The following HTT variants were observed in gnomAD, a reference collection of about 807,000 sequenced individuals.
The protein encoded by HTT is huntingtin, also known as huntington disease protein.
In HTT, 104 loss-of-function variants were observed where a neutral mutation model predicts 362.3. The observed-to-expected ratio is 0.29, with a 90% CI of 0.24 to 0.34. HTT has a LOEUF of 0.34. Among genes scored for constraint, HTT ranks in the 10% least tolerant of loss-of-function variants. HTT has a pLI of 1.00. For missense variants in HTT, 3,301 were observed against 3,928.6 expected (o/e 0.84, Z 4.27); for synonymous variants, 1,577 against 1,548.7 (o/e 1.02, Z -0.43).
At position 3,140,522 on chromosome 4, in the gene HTT, G is replaced by A. The variant is rs767086134; in HGVS notation, c.2811G>A (p.Lys937=). The A allele has an allele frequency of 5.6e-6, 9 of 1,614,022 alleles. No individual in the cohort carries two copies. Among genetic ancestry groups the A allele is most frequent in the African/African-American group, 4.0e-5 (3 of 74,934 alleles). ...AAASLIRLVP[K]LFYKCDQGQA... is the part of the protein sequence containing the mutation. ...ACTTTTGTGTTAGGCTTGTCCCAAA[G>A]CTGTTTTATAAATGTGACCAAGGAC... The change falls in exon 22 of 67, where the codon AAG becomes AAA. Residue 937 remains lysine (K), a synonymous_variant. Transcript: ENST00000355072.
In HTT at chr4:3,157,210, C is replaced by T; in HGVS notation, c.3753+11C>T. ...CACGCTAACTACAAGGTATGGGCCTCTGCATCTTTTAAAAATATATATGCA... is the reference window on the plus strand; with the variant it reads ...CACGCTAACTACAAGGTATGGGCCTTTGCATCTTTTAAAAATATATATGCA... On this transcript the variant is annotated intron_variant, in intron 28 of 66. Transcript: ENST00000355072. 1 of 1,605,686 alleles carries T rather than the reference C, an allele frequency of 6.2e-7. No homozygotes were observed. Among genetic ancestry groups the T allele is most frequent in the Non-Finnish European group, 8.5e-7 (1 of 1,177,388 alleles).
intron 26 of HTT, among the ~76,000 whole-genome samples, chr4:3,151,056 A>G (rs1339217963): frequency 7.9e-6 from 1 of 127,032 alleles, no homozygotes; most frequent in Non-Finnish European, 1.7e-5. Flanking sequence ...AAACAAAACA[A>G]AAAAAAAAAA....
intron 10 of HTT, 67 bp from the exon 11 acceptor site, chr4:3,125,482 C>A: frequency 2.2e-6 from 2 of 922,534 alleles, no homozygotes; most frequent in Non-Finnish European, 1.8e-6. Context: ...TTTTAGAGTG[C>A]ATTTACTTAA....
intron 27 of HTT, among the ~76,000 whole-genome samples, chr4:3,156,093 C>T (rs566580992): frequency 6.6e-6 from 1 of 152,226 alleles, no homozygotes; most frequent in East Asian, 1.9e-4. Flanking sequence ...TTCCTCCTGT[C>T]TATAAATGAA....
At chr4:3,105,485 C>T in intron 5 of HTT, 49 bp downstream of exon 5, 3 of 1,207,216 alleles carry the variant, frequency 2.5e-6, no homozygotes, top group Non-Finnish European at 3.7e-6. Context: ...CCAGCTGCTA[C>T]TGATCCTTTA....
At chr4:3,231,588 C>T (rs1721256015) in intron 60 of HTT, among the ~76,000 whole-genome samples, 1 of 152,202 alleles carries the variant, frequency 6.6e-6, no homozygotes, top group South Asian at 2.1e-4. Context: ...AGCCCAAACG[C>T]CAGTCATCTT....
At position 3,203,170 on chromosome 4, in the gene HTT, C is replaced by T. The variant is rs533500686; in HGVS notation, c.5577-837C>T. The T allele has an allele frequency of 2.6e-5, 4 of 152,366 alleles. No homozygotes were observed. In the South Asian group the frequency reaches 6.2e-4, roughly 24 times the overall value. The allele number at this position is 152,366 out of a possible 1,614,324, so 9.4% of individuals were successfully genotyped here. A position where few individuals can be genotyped will look rare whatever the true frequency, so the allele number is the denominator to read the frequency against. On this transcript the variant is annotated intron_variant, in intron 41 of 66. Transcript: ENST00000355072. Reference sequence around the variant, plus strand: ...GCTAGGCTGTAGTTTGTTTTCACTTCACCAGTTGGGAAACAGAGAAAAGGC... The same window carrying T: ...GCTAGGCTGTAGTTTGTTTTCACTTTACCAGTTGGGAAACAGAGAAAAGGC...
intron 51 of HTT, 146 bp downstream of exon 51, chr4:3,215,357 G>T (rs531322692): frequency 4.8e-6 from 3 of 624,570 alleles, no homozygotes; most frequent in Non-Finnish European, 8.5e-6. Context: ...TAGCTGTCAG[G>T]GAGGCTGTAG....
chr4:3,121,493 A>T (rs920971237), intron 9 of HTT, 61 bp downstream of exon 9: 38 of 1,150,794 alleles, frequency 3.3e-5, no homozygotes, highest in Non-Finnish European at 4.9e-5. Context: ...GTTACACTCT[A>T]TTGATTATGG....
intron 29 of HTT, among the ~76,000 whole-genome samples, chr4:3,166,126 C>G (rs763237501): frequency 6.6e-6 from 1 of 152,148 alleles, no homozygotes; most frequent in Non-Finnish European, 1.5e-5. Flanking sequence ...GATGTTGATG[C>G]TATTCCTTTC....
chr4:3,156,145 A>G (rs1427764362), intron 27 of HTT, among the ~76,000 whole-genome samples: 2 of 151,904 alleles, frequency 1.3e-5, no homozygotes, highest in African/African-American at 4.8e-5. Context: ...TTTTTTTGAG[A>G]TGGAGTCTTC....
chr4:3,178,350 T>C lies in HTT; in HGVS notation c.4516T>C (p.Tyr1506His). The C allele has an allele frequency of 5.0e-6, 8 of 1,611,750 alleles. No individual in the cohort carries two copies. The highest frequency in any genetic ancestry group is 6.8e-6 in the Non-Finnish European group (8 of 1,177,788). Reference protein sequence around the residue: ...NIFFFLVLLSYERYHSKQIIG... With the variant: ...NIFFFLVLLSHERYHSKQIIG... ...CTTTTTCTTCTTGGTATTACTATCT[T>C]ATGAACGCTATCATTCAAAACAGAT... The change falls in exon 35 of 67, where the codon TAT (tyrosine) becomes CAT (histidine). Residue 1506 changes from tyrosine to histidine, a missense_variant. Physicochemically the swap from Tyr to His is moderately conservative, Grantham distance 83. Transcript: ENST00000355072.
chr4:3,152,347 C>T (rs985851171), intron 26 of HTT, among the ~76,000 whole-genome samples: 2 of 152,210 alleles, frequency 1.3e-5, no homozygotes, highest in Non-Finnish European at 2.9e-5. Flanking sequence ...ATTAGCCCGC[C>T]TCGGCCTCCC....
intron 2 of HTT, among the ~76,000 whole-genome samples, chr4:3,096,669 A>G (rs1427363353): frequency 6.6e-6 from 1 of 152,256 alleles, no homozygotes; most frequent in African/African-American, 2.4e-5. Context: ...TGACTGATAT[A>G]AAAACAATAG....
chr4:3,171,190 C>A (rs1264662739), intron 29 of HTT, among the ~76,000 whole-genome samples: 4 of 152,302 alleles, frequency 2.6e-5, no homozygotes, highest in African/African-American at 9.6e-5. Flanking sequence ...CAACCTTAAA[C>A]ACTTAGAATA....
chr4:3,086,404 C>T (rs548921712), intron 1 of HTT, among the ~76,000 whole-genome samples: 37 of 152,242 alleles, frequency 2.4e-4, no homozygotes, highest in African/African-American at 8.9e-4. Context: ...GTCATGGTGG[C>T]TCATACCTAT....
rs765256419 is a variant in HTT, at chr4:3,127,309, G to A, written c.1448G>A (p.Gly483Glu). 1.2e-6 allele frequency: 2 copies of A among 1,614,194 alleles called. No individual in the cohort carries two copies. Among genetic ancestry groups the A allele is most frequent in the Non-Finnish European group, 1.7e-6 (2 of 1,180,032 alleles). ...AGTGGAGAGCTGGCTGCTTCTTCAGGGGTTTCCACTCCAGGGTCAGCAGGT... is the reference window on the plus strand; with the variant it reads ...AGTGGAGAGCTGGCTGCTTCTTCAGAGGTTTCCACTCCAGGGTCAGCAGGT... ...EISGELAASS[G>E]VSTPGSAGHD... The change falls in exon 12 of 67, where the codon GGG (glycine) becomes GAG (glutamate). Residue 483 changes from glycine to glutamate, a missense_variant. By Grantham distance (98) the Gly-to-Glu change is moderately conservative. Transcript: ENST00000355072.
At chr4:3,169,637 G>A (rs1017258521) in intron 29 of HTT, among the ~76,000 whole-genome samples, 33 of 151,596 alleles carry the variant, frequency 2.2e-4, no homozygotes, top group African/African-American at 7.5e-4. Context: ...TTAGTGGTGC[G>A]ATATCAGCTC....
chr4:3,226,740 T>A (rs541973459), intron 57 of HTT, among the ~76,000 whole-genome samples: 1 of 152,386 alleles, frequency 6.6e-6, no homozygotes, highest in East Asian at 1.9e-4. Flanking sequence ...TTTCCTCTTC[T>A]GAGTTCCTGG....
Sources: allele counts gnomAD v4.1 joint callset (sites outside exome capture counted in the v4.1 genomes callset), GRCh38; gene constraint gnomAD v4.1.1; transcripts MANE v1.5; gene names NCBI Gene and HGNC (gene_info 2026-07-23, HGNC 2026-07-21).